PRKN: variants seen among roughly 807,000 people sequenced by gnomAD.
PRKN encodes the protein E3 ubiquitin-protein ligase parkin.
PRKN carries 56 observed loss-of-function variants against 59.5 expected under a neutral mutation model. That is an observed-to-expected ratio of 0.94 (90% CI 0.76 to 1.18). PRKN has a LOEUF of 1.18. Ranked by LOEUF, PRKN falls within the 50% of genes most tolerant of loss-of-function variation. The probability of loss-of-function intolerance (pLI) is 0.00; values close to 1 mark genes in which losing one functional copy is unlikely to be tolerated. For synonymous variants in PRKN, 250 were observed against 222.1 expected (o/e 1.13, Z -1.12); for missense variants, 657 against 596.4 (o/e 1.10, Z -1.06).
intron 7 of PRKN, among the ~76,000 whole-genome samples, chr6:161,639,093 T>C (rs1783640568): frequency 2.0e-5 from 3 of 152,194 alleles, no homozygotes; most frequent in Admixed American, 1.3e-4. Flanking sequence ...GCTGCCGCCA[T>C]GTGAAGAAGG....
intron 3 of PRKN, among the ~76,000 whole-genome samples, chr6:162,210,413 C>T (rs1381139105): frequency 2.0e-5 from 3 of 152,160 alleles, no homozygotes; most frequent in East Asian, 1.9e-4. Flanking sequence ...AAATTCTGAA[C>T]TCAAGCTCCT....
rs72125109 is a variant in PRKN at position 161,750,098 on chromosome 6, C to CATATATATATATAT, written c.871+35660_871+35673dup. Among the ~76,000 whole-genome samples, 180 of 145,164 alleles carry CATATATATATATAT rather than the reference C, an allele frequency of 1.2e-3. 2 individuals are homozygous for CATATATATATATAT. Among genetic ancestry groups the CATATATATATATAT allele is most frequent in the African/African-American group, 3.6e-3 (137 of 38,510 alleles). On this transcript the variant is annotated intron_variant, in intron 7 of 11. Transcript: ENST00000366898. ...ATTAATGGATATAGCACACATAGGA[C>CATATATATATATAT]ATATATATATATATATATATACACA...
intron 5 of PRKN, among the ~76,000 whole-genome samples, chr6:162,033,574 G>A (rs927858220): frequency 9.2e-5 from 14 of 152,164 alleles, no homozygotes; most frequent in Admixed American, 5.9e-4. Flanking sequence ...ATATCATTTC[G>A]TAGGGGAATT....
intron 7 of PRKN, among the ~76,000 whole-genome samples, chr6:161,771,237 T>A (rs1789663673): frequency 6.6e-6 from 1 of 151,426 alleles, no homozygotes; most frequent in African/African-American, 2.4e-5. Flanking sequence ...GCACCTGTGG[T>A]CCCAGCTACT....
At chr6:162,358,185 CTT>C (rs1433278642) in intron 2 of PRKN, among the ~76,000 whole-genome samples, 2 of 152,150 alleles carry the variant, frequency 1.3e-5, no homozygotes, top group Non-Finnish European at 2.9e-5. Flanking sequence ...TAGGGAAAAT[CTT>C]TGTGCAACTT....
chr6:161,728,125 G>C (rs1402833352), intron 7 of PRKN, among the ~76,000 whole-genome samples: 1 of 152,148 alleles, frequency 6.6e-6, no homozygotes, highest in East Asian at 1.9e-4. Flanking sequence ...CTTTGCATGG[G>C]CTAAAAGATG....
chr6:162,281,435 T>C (rs2128106413), intron 2 of PRKN, among the ~76,000 whole-genome samples: 1 of 151,128 alleles, frequency 6.6e-6, no homozygotes, highest in South Asian at 2.1e-4. Context: ...AATAAGAAAA[T>C]AAGAAATGCG....
chr6:161,404,653 T>C (rs1787184470), intron 9 of PRKN, among the ~76,000 whole-genome samples: 1 of 152,236 alleles, frequency 6.6e-6, no homozygotes, highest in African/African-American at 2.4e-5. Flanking sequence ...TTCATTTCTA[T>C]GGCTCTGTGT....
intron 9 of PRKN, among the ~76,000 whole-genome samples, chr6:161,493,804 T>C (rs1302574723): frequency 6.6e-6 from 1 of 152,236 alleles, no homozygotes; most frequent in African/African-American, 2.4e-5. Context: ...GCAGAGGAGA[T>C]GTTTTCTGTC....
chr6:162,297,062 T>G (rs1412956442), intron 2 of PRKN, among the ~76,000 whole-genome samples: 1 of 152,172 alleles, frequency 6.6e-6, no homozygotes, highest in Non-Finnish European at 1.5e-5. Flanking sequence ...AAAGGCCCAG[T>G]CGAAATTAAT....
chr6:162,600,734 T>C (rs181229996), intron 1 of PRKN, among the ~76,000 whole-genome samples: 42 of 152,214 alleles, frequency 2.8e-4, no homozygotes, highest in Non-Finnish European at 5.7e-4. Flanking sequence ...GAGATCTCAT[T>C]GTTTAAAAGT....
chr6:161,591,662 T>C (rs1357864529), intron 7 of PRKN, among the ~76,000 whole-genome samples: 2 of 152,248 alleles, frequency 1.3e-5, no homozygotes, highest in African/African-American at 4.8e-5. Flanking sequence ...GCCAGTTCTT[T>C]ATTTTTTGAT....
intron 1 of PRKN, among the ~76,000 whole-genome samples, chr6:162,667,571 T>C (rs1421059408): frequency 2.0e-5 from 3 of 152,124 alleles, no homozygotes; most frequent in African/African-American, 4.8e-5. Flanking sequence ...AGAAGTTTCA[T>C]GTGGAGTGAC....
At chr6:162,287,799 C>A (rs1038194248) in intron 2 of PRKN, among the ~76,000 whole-genome samples, 9 of 152,092 alleles carry the variant, frequency 5.9e-5, no homozygotes, top group African/African-American at 2.2e-4. Context: ...AGAAAATTAG[C>A]TTTGATTATG....
chr6:161,703,468 C>A (rs1275027726), intron 7 of PRKN, among the ~76,000 whole-genome samples: 1 of 152,128 alleles, frequency 6.6e-6, no homozygotes, highest in Non-Finnish European at 1.5e-5. Context: ...AAAATAAAGG[C>A]CAGATAACAC....
chr6:162,506,876 CA>C (rs1486933765), intron 1 of PRKN, among the ~76,000 whole-genome samples: 4 of 152,088 alleles, frequency 2.6e-5, no homozygotes, highest in Admixed American at 6.5e-5. Flanking sequence ...ACAAGGTTGG[CA>C]CTGGAGAATG....
At chr6:161,932,551 T>C (rs971284281) in intron 6 of PRKN, among the ~76,000 whole-genome samples, 1 of 152,252 alleles carries the variant, frequency 6.6e-6, no homozygotes, top group South Asian at 2.1e-4. Flanking sequence ...TTTATTTTTA[T>C]TTTTACATGC....
intron 2 of PRKN, among the ~76,000 whole-genome samples, chr6:162,320,352 T>A (rs374206551): frequency 8.2e-3 from 20 of 2,440 alleles, no homozygotes; most frequent in African/African-American, 9.7e-3. Flanking sequence ...GTAATAGAAA[T>A]ACAAAAAGCC....
In PRKN at chr6:161,549,116, G is replaced by A. The variant is rs1583215792; in HGVS notation, c.934-113C>T. ...GCTTAACCAGTTTCAGTAAAATAAT[G>A]CATGTGTGTGTGTGTGTGTGTGTGT... On this transcript the variant is annotated intron_variant, in intron 8 of 11. Coordinates refer to ENST00000366898, the MANE Select transcript of PRKN (RefSeq NM_004562.3). This position sits in a 1 kb window ranked among gnomAD's most constrained non-coding sequence, Gnocchi z 6.0. The A allele has an allele frequency of 3.6e-6, 4 of 1,100,610 alleles. No individual in the cohort carries two copies. Among genetic ancestry groups the A allele is most frequent in the Non-Finnish European group, 5.4e-6 (4 of 746,182 alleles). The allele number at this position is 1,100,610 out of a possible 1,614,324, so 68.2% of individuals were successfully genotyped here.
Sources: gnomAD v4.1 joint callset for allele counts (sites outside exome capture counted in the v4.1 genomes callset) on GRCh38, gnomAD v4.1.1 for gene constraint, Gnocchi (gnomAD v3.1) non-coding constraint, MANE v1.5 for transcripts, NCBI Gene and HGNC (gene_info 2026-07-23, HGNC 2026-07-21) for gene names.